The following GNAT2 variants were observed in gnomAD, a reference collection of about 807,000 sequenced individuals.
GNAT2 encodes guanine nucleotide-binding protein G(t) subunit alpha-2.
In GNAT2, 32 loss-of-function variants were observed where a neutral mutation model predicts 40.9. The ratio of observed to expected loss-of-function variants is 0.78; its 90% CI spans 0.59 to 1.05. The LOEUF is 1.05. Ranked by LOEUF, GNAT2 falls within the 50% of genes least tolerant of loss-of-function variation. The probability of loss-of-function intolerance (pLI) is 0.00; values close to 1 mark genes in which losing one functional copy is unlikely to be tolerated. For synonymous variants in GNAT2, 141 were observed against 157.2 expected, an observed-to-expected ratio of 0.90 and a Z score of 0.77; for missense variants, 355 against 431.5, an observed-to-expected ratio of 0.82 and a Z score of 1.57.
intron 4 of GNAT2, 29 bp from the exon 5 acceptor site, chr1:109,608,817 T>G: frequency 6.3e-7 from 1 of 1,597,110 alleles, no homozygotes; most frequent in Non-Finnish European, 8.6e-7. Flanking sequence ...GTTAAGAACT[T>G]CACAGGAGTA....
At chr1:109,607,295 C>T (rs1209451028) in intron 5 of GNAT2, 1 of 151,788 alleles carries the variant, frequency 6.6e-6, no homozygotes, top group African/African-American at 2.4e-5. Flanking sequence ...ACTAAAAATA[C>T]AAAAAATTAG....
Position 109,605,926 on chromosome 1 carries a change from G to C in GNAT2, c.720+44C>G. ...CAAGGCTTAGAGAAAGGGTCATGGG[G>C]AGAACTTGTTCTACCAAAGCTGCTT... On this transcript the variant is annotated intron_variant, in intron 7 of 8. Transcript: ENST00000679935. 4 of 1,580,062 alleles carry C rather than the reference G, an allele frequency of 2.5e-6. No homozygotes were observed. The South Asian group carries it at 4.4e-5, about 18-fold the overall frequency.
At chr1:109,617,793 C>T (rs1247741553) in intron 1 of GNAT2, 1 of 152,210 alleles carries the variant, frequency 6.6e-6, no homozygotes, top group Non-Finnish European at 1.5e-5. Context: ...GCTCAAGAGA[C>T]CTGGCCCAAT....
chr1:109,610,479 G>C lies in GNAT2; in HGVS notation c.147C>G (p.Ile49Met), dbSNP rs146945932. The stretch of plus-strand genomic sequence containing the variant: ...TTTCTACTCACTTCATCTGTTTGAC[G>C]ATGGTGCTCTTTCCTGACTCCCCAG... Reference protein sequence around the residue: ...LGAGESGKSTIVKQMKIIHQD... With the variant: ...LGAGESGKSTMVKQMKIIHQD... The change falls in exon 3 of 9, where the codon ATC becomes ATG. Residue 49 changes from isoleucine (I) to methionine (M), a missense_variant. Coordinates refer to ENST00000679935, the MANE Select transcript of GNAT2 (RefSeq NM_001377295.2). The C allele has an allele frequency of 6.2e-7, 1 of 1,613,756 alleles. No homozygotes were observed. The highest frequency in any genetic ancestry group is 8.5e-7 in the Non-Finnish European group (1 of 1,179,752).
chr1:109,610,573 T>C (rs1222892653), intron 2 of GNAT2, 66 bp from the exon 3 acceptor site: 13 of 1,408,320 alleles, frequency 9.2e-6, no homozygotes, highest in Non-Finnish European at 1.3e-5. Context: ...GGAGATGGCC[T>C]GGGAGAAGTC....
intron 2 of GNAT2, chr1:109,611,463 C>T (rs12118605): frequency 0.042 from 6,406 of 152,298 alleles, 186 homozygotes; most frequent in Non-Finnish European, 0.061. Context: ...TACAGGCGTG[C>T]GCCACTGCAT....
intron 2 of GNAT2, 182 bp from the exon 3 acceptor site, chr1:109,610,689 G>C: frequency 3.0e-6 from 2 of 670,312 alleles, no homozygotes; most frequent in South Asian, 3.2e-5. Context: ...CCTGGATTTA[G>C]AGCAGTTTCT....
intron 1 of GNAT2, chr1:109,614,828 G>A (rs1252552616): frequency 2.0e-5 from 3 of 152,214 alleles, no homozygotes; most frequent in African/African-American, 7.2e-5. Context: ...GGAGAAATAT[G>A]CAGCTGCTGA....
rs183147259 is a variant in GNAT2 at position 109,610,040 on chromosome 1, C to T, written c.303G>A (p.Ala101=). ...LGIDYAEPSC[A]DDGRQLNNLA... ...TAACCACATAATAGTAATCACATAC[C>T]GCACAGCTTGGTTCAGCATAATCGA... The change falls in exon 4 of 9, where the codon GCG becomes GCA. Residue 101 remains alanine, a splice_region_variant and synonymous_variant. Coordinates refer to ENST00000679935, the MANE Select transcript of GNAT2 (RefSeq NM_001377295.2). 2.0e-5 allele frequency: 32 copies of T among 1,613,958 alleles called. No individual in the cohort carries two copies. Among genetic ancestry groups the T allele is most frequent in the South Asian group, 1.5e-4 (14 of 91,076 alleles).
chr1:109,615,620 A>AGAAAGAAAAGAAAAGAAAAG (rs373024187), intron 1 of GNAT2: 19 of 126,688 alleles, frequency 1.5e-4, no homozygotes, highest in African/African-American at 5.3e-4. Flanking sequence ...AAAAAAAAAA[A>AGAAAGAAAAGAAAAGAAAAG]AAAAGAAAAG....
At chr1:109,605,170 A>G (rs1453275354) in intron 7 of GNAT2, 1 of 152,060 alleles carries the variant, frequency 6.6e-6, no homozygotes, top group South Asian at 2.1e-4. Context: ...TGAAATTAAC[A>G]TTTTTCACGC....
chr1:109,604,061 TTACA>T lies in GNAT2; in HGVS notation c.760_763del (p.Cys254ThrfsTer49). 6.2e-7 allele frequency: 1 copy of T among 1,609,868 alleles called. No individual in the cohort carries two copies. The highest frequency in any genetic ancestry group is 8.5e-7 in the Non-Finnish European group (1 of 1,176,112). On this transcript the variant is annotated frameshift_variant, in exon 8 of 9. Transcript: ENST00000679935. LOFTEE classifies it high-confidence loss of function. The stretch of plus-strand genomic sequence containing the variant: ...GGAAGTAGCCGCAAAGAATTTGTGG[TTACA>T]TATGCTGTTGAACAGATGCAAAGAC...
In GNAT2 at chr1:109,603,971, A is replaced by T; in HGVS notation, c.854T>A (p.Ile285Asn). 2 of 1,610,042 alleles carry T rather than the reference A, an allele frequency of 1.2e-6. No individual in the cohort carries two copies. The highest frequency in any genetic ancestry group is 1.7e-6 in the Non-Finnish European group (2 of 1,176,460). Reference sequence around the variant, plus strand: ...CTTACCATCATACTCTGGAAAACAAATGCTGAGATGGACTTTCTTGATTTT... The same window carrying T: ...CTTACCATCATACTCTGGAAAACAATTGCTGAGATGGACTTTCTTGATTTT... ...EEKIKKVHLS[I>N]CFPEYDGNNS... Residue 285 changes from isoleucine (I) to asparagine (N), a missense_variant, in exon 8 of 9, where the codon ATT becomes AAT. By Grantham distance (149) the Ile-to-Asn change is moderately radical. Transcript: ENST00000679935.
At chr1:109,613,909 G>GCT (rs1160128248) in intron 1 of GNAT2, 1 of 152,210 alleles carries the variant, frequency 6.6e-6, no homozygotes, top group Non-Finnish European at 1.5e-5. Flanking sequence ...GGTTGGGGCA[G>GCT]CTCTCTCTCC....
intron 1 of GNAT2, chr1:109,613,371 T>C (rs1187612269): frequency 4.8e-6 from 1 of 209,346 alleles, no homozygotes; most frequent in Non-Finnish European, 9.8e-6. Context: ...TTATAAGGTC[T>C]TGATCTCAAG....
intron 1 of GNAT2, among the ~76,000 whole-genome samples, chr1:109,618,931 C>G (rs936088876): frequency 1.3e-5 from 2 of 152,112 alleles, no homozygotes; most frequent in African/African-American, 4.8e-5. Context: ...GTGGTAAGAA[C>G]TGGGAGGAGC....
chr1:109,610,760 C>T, intron 2 of GNAT2: 1 of 572,610 alleles, frequency 1.7e-6, no homozygotes, highest in South Asian at 2.0e-5. Context: ...AGCAGCATTC[C>T]TGGCCTCTAC....
At position 109,608,798 on chromosome 1, in the gene GNAT2, A is replaced by G. The variant is rs758270188; in HGVS notation, c.304-10T>C. 1.2e-6 allele frequency: 2 copies of G among 1,612,636 alleles called. No homozygotes were observed. Among genetic ancestry groups the G allele is most frequent in the Non-Finnish European group, 1.7e-6 (2 of 1,178,628 alleles). On this transcript the variant is annotated splice_polypyrimidine_tract_variant and intron_variant, in intron 4 of 8. Transcript: ENST00000679935. ...GCTGTCGCCCGTCATCCTGTAATGC[A>G]GAAACCTGGTTAAGAACTTCACAGG...
In GNAT2 at chr1:109,619,569, A is replaced by T. The variant is rs886122415; in HGVS notation, c.-140T>A. The T allele has an allele frequency of 6.6e-6, 1 of 152,412 alleles. No homozygotes were observed. The highest frequency in any genetic ancestry group is 1.5e-5 in the Non-Finnish European group (1 of 68,074). The allele number at this position is 152,412 out of a possible 1,614,324, so 9.4% of individuals were successfully genotyped here. A position where few individuals can be genotyped will look rare whatever the true frequency, so the allele number is the denominator to read the frequency against. On this transcript the variant is annotated 5_prime_UTR_variant, in exon 1 of 9. Transcript: ENST00000679935. Reference sequence around the variant, plus strand: ...AAATGAATCCTGGGACAATGATAACAGCTACCTTTCACTGGGCCCTCACTT... The same window carrying T: ...AAATGAATCCTGGGACAATGATAACTGCTACCTTTCACTGGGCCCTCACTT...
Sources: gnomAD v4.1 joint callset for allele counts (sites outside exome capture counted in the v4.1 genomes callset) on GRCh38, gnomAD v4.1.1 for gene constraint, MANE v1.5 for transcripts, NCBI Gene and HGNC (gene_info 2026-07-23, HGNC 2026-07-21) for gene names.